RMND1: variants seen among roughly 807,000 people sequenced by gnomAD.
RMND1 encodes the protein required for meiotic nuclear division protein 1 homolog.
A neutral mutation model predicts 54.0 loss-of-function variants in RMND1; 41 were observed. The observed-to-expected ratio is 0.76, with a 90% confidence interval of 0.59 to 0.98. The LOEUF (loss-of-function observed/expected upper bound fraction) is 0.98. Ranked by LOEUF, RMND1 falls within the 50% of genes least tolerant of loss-of-function variation. The pLI is 0.00. For synonymous variants in RMND1, 183 were observed against 181.7 expected (o/e 1.01, Z -0.06); for missense variants, 457 against 532.0 (o/e 0.86, Z 1.39).
intron 11 of RMND1, 138 bp from the exon 12 acceptor site, chr6:151,405,405 AATT>A: frequency 1.3e-6 from 1 of 756,446 alleles, no homozygotes. Flanking sequence ...GCAACCTATG[AATT>A]GGAGGTACGG....
chr6:151,410,204 G>C (rs562561480), intron 10 of RMND1, among the ~76,000 whole-genome samples: 1 of 151,896 alleles, frequency 6.6e-6, no homozygotes, highest in South Asian at 2.1e-4. Context: ...ACAGACGCCC[G>C]CCACCACGCC....
Position 151,427,566 on chromosome 6 carries a change from T to C in RMND1, c.746A>G (p.Lys249Arg), listed in dbSNP as rs1562792126. The change falls in exon 6 of 12, where the codon AAA becomes AGA. Residue 249 changes from lysine to arginine, a missense_variant. Transcript: ENST00000444024. ...CTGAATTTCATGTTTTTCTAGAACT[T>C]TCATCACATGCTTCATCTAGAAGAA... ...VKDKTMKHVM[K>R]VLEKHEIQPY... 6.2e-7 allele frequency: 1 copy of C among 1,607,308 alleles called. No homozygotes were observed. The highest frequency in any genetic ancestry group is 8.5e-7 in the Non-Finnish European group (1 of 1,174,266).
chr6:151,440,700 G>A (rs939026127), intron 2 of RMND1, among the ~76,000 whole-genome samples: 2 of 152,188 alleles, frequency 1.3e-5, no homozygotes, highest in African/African-American at 4.8e-5. Flanking sequence ...AGTCTTAGTT[G>A]TGGGTTTCTT....
At chr6:151,436,754 A>G (rs898046505) in intron 2 of RMND1, 200 bp from the exon 3 acceptor site, 2 of 469,130 alleles carry the variant, frequency 4.3e-6, no homozygotes, top group South Asian at 7.5e-5. Flanking sequence ...TCAATCTTGA[A>G]AAGAACTTGC....
In RMND1 at chr6:151,436,452, G is replaced by A; in HGVS notation, c.607C>T (p.Pro203Ser). The A allele has an allele frequency of 5.0e-6, 8 of 1,613,804 alleles. No homozygotes were observed. The highest frequency in any genetic ancestry group is 6.8e-6 in the Non-Finnish European group (8 of 1,179,788). Residue 203 changes from proline to serine, a missense_variant, in exon 3 of 12, where the codon CCT becomes TCT. Pro to Ser is a moderately conservative substitution (Grantham distance 74, BLOSUM62 -1). Coordinates refer to ENST00000444024, the MANE Select transcript of RMND1 (RefSeq NM_017909.4). ...SHGYVEVTSL[P>S]RDAANILVMG... is the part of the protein sequence containing the mutation. ...CAGGTTCAAGAAGAAGTACCTCTAG[G>A]CAAGCTTGTTACTTCAACATATCCG...
chr6:151,450,829 G>A (rs984221022), intron 1 of RMND1, among the ~76,000 whole-genome samples: 1 of 152,162 alleles, frequency 6.6e-6, no homozygotes, highest in Admixed American at 6.5e-5. Flanking sequence ...AAGTAGACAT[G>A]GGAGACTTTT....
At chr6:151,449,060 CAAAAAAAAA>C (rs71014585) in intron 1 of RMND1, among the ~76,000 whole-genome samples, 3 of 18,678 alleles carry the variant, frequency 1.6e-4, no homozygotes, top group East Asian at 1.5e-3. Context: ...GACTCTGTCT[CAAAAAAAAA>C]AAAAAAAAAA....
chr6:151,419,758 A>G (rs1780106604), intron 9 of RMND1, among the ~76,000 whole-genome samples: 1 of 151,986 alleles, frequency 6.6e-6, no homozygotes, highest in Non-Finnish European at 1.5e-5. Context: ...ATTCAGAAAA[A>G]TGGTAGGCTC....
chr6:151,450,132 C>A (rs1248509694), intron 1 of RMND1, among the ~76,000 whole-genome samples: 2 of 151,634 alleles, frequency 1.3e-5, no homozygotes, highest in African/African-American at 4.9e-5. Context: ...AGGAGCGTCT[C>A]TGCCCGGCCG....
At chr6:151,407,191 A>G (rs969310335) in intron 10 of RMND1, among the ~76,000 whole-genome samples, 6 of 152,226 alleles carry the variant, frequency 3.9e-5, no homozygotes, top group South Asian at 4.1e-4. Flanking sequence ...CCACAGGACT[A>G]ACTGACTGAA....
intron 1 of RMND1, among the ~76,000 whole-genome samples, chr6:151,451,006 T>C (rs554394678): frequency 6.6e-6 from 1 of 152,184 alleles, no homozygotes; most frequent in African/African-American, 2.4e-5. Flanking sequence ...GAAGGCAGCG[T>C]GCTGGTTAAG....
intron 10 of RMND1, among the ~76,000 whole-genome samples, chr6:151,413,560 A>G (rs550632667): frequency 1.3e-5 from 2 of 152,324 alleles, no homozygotes; most frequent in South Asian, 2.1e-4. Flanking sequence ...GTTTCAGTCC[A>G]CCAAGTTTTG....
chr6:151,432,336 A>C (rs1050796915), intron 4 of RMND1, among the ~76,000 whole-genome samples: 2 of 152,190 alleles, frequency 1.3e-5, no homozygotes. Flanking sequence ...ACTCTACTTG[A>C]ATTAAATGTT....
At chr6:151,445,219 C>CGT in intron 2 of RMND1, 89 bp downstream of exon 2, 2 of 1,367,942 alleles carry the variant, frequency 1.5e-6, no homozygotes, top group South Asian at 3.0e-5. Context: ...AGTTCTCTTA[C>CGT]GTTGGCGGTA....
intron 3 of RMND1, among the ~76,000 whole-genome samples, chr6:151,434,376 T>A (rs576816874): frequency 2.6e-5 from 4 of 151,952 alleles, no homozygotes; most frequent in Non-Finnish European, 2.9e-5. Flanking sequence ...AAAGGCTGGG[T>A]GATGGGCAAT....
intron 5 of RMND1, among the ~76,000 whole-genome samples, chr6:151,429,546 C>T (rs1401522494): frequency 6.6e-6 from 1 of 152,056 alleles, no homozygotes; most frequent in Non-Finnish European, 1.5e-5. Flanking sequence ...ATTTAACAAA[C>T]TATTATTGTG....
Position 151,417,191 on chromosome 6 carries a change from CAA to C in RMND1, c.1200+86_1200+87del, listed in dbSNP as rs1780029946. ...TAAAGAGATTTGAATGGAAGTCAAA[CAA>C]GATATTTCTCTGCAAGCAGTTAAAC... On this transcript the variant is annotated intron_variant, in intron 10 of 11. Coordinates refer to ENST00000444024, the MANE Select transcript of RMND1 (RefSeq NM_017909.4). 4 of 1,381,018 alleles carry C rather than the reference CAA, an allele frequency of 2.9e-6. No homozygotes were observed. In the East Asian group the frequency reaches 7.0e-5, roughly 24 times the overall value. 85.5% of individuals were successfully genotyped at this position (1,381,018 alleles called of 1,614,324 possible). A position where few individuals can be genotyped will look rare whatever the true frequency, so the allele number is the denominator to read the frequency against.
rs368328944 is a variant in RMND1 at position 151,436,514 on chromosome 6, T to C, written c.545A>G (p.Tyr182Cys). ...HCTAFATADEYHLGNLSQDLA... is the reference protein window; with the variant it reads ...HCTAFATADECHLGNLSQDLA... ...ATCTTGAGACAGATTTCCCAGATGA[T>C]ACTCATCTGCCGTTGCAAATGCTGT... The change falls in exon 3 of 12, where the codon TAT (tyrosine) becomes TGT (cysteine). Residue 182 changes from tyrosine (Y) to cysteine (C), a missense_variant. Coordinates refer to ENST00000444024, the MANE Select transcript of RMND1 (RefSeq NM_017909.4). The C allele has an allele frequency of 5.0e-6, 8 of 1,613,304 alleles. No homozygotes were observed. The highest frequency in any genetic ancestry group is 1.3e-5 in the African/African-American group (1 of 74,924).
intron 6 of RMND1, among the ~76,000 whole-genome samples, chr6:151,423,900 T>G (rs975613417): frequency 3.3e-5 from 5 of 150,592 alleles, no homozygotes; most frequent in Non-Finnish European, 5.9e-5. Flanking sequence ...CAGGCTAGAG[T>G]GCAGTGGTGC....
Sources: gnomAD v4.1 joint callset for allele counts (sites outside exome capture counted in the v4.1 genomes callset) on GRCh38, gnomAD v4.1.1 for gene constraint, MANE v1.5 for transcripts, NCBI Gene and HGNC (gene_info 2026-07-23, HGNC 2026-07-21) for gene names.